Variants in RAP1GAP2 observed in about 807,000 individuals in gnomAD.
RAP1GAP2 encodes RAP1 GTPase activating protein 2.
A neutral mutation model predicts 95.0 loss-of-function variants in RAP1GAP2; 27 were observed. The observed-to-expected ratio is 0.28, with a 90% CI of 0.21 to 0.39. The LOEUF (loss-of-function observed/expected upper bound fraction) is 0.39. RAP1GAP2 is among the 10% of genes least tolerant of loss of function. RAP1GAP2 has a pLI of 1.00. For synonymous variants in RAP1GAP2, 373 were observed against 380.9 expected, an observed-to-expected ratio of 0.98 and a Z score of 0.24; for missense variants, 771 against 970.0, an observed-to-expected ratio of 0.79 and a Z score of 2.72.
chr17:2,863,205 G>A (rs527609638), intron 2 of RAP1GAP2, among the ~76,000 whole-genome samples: 1 of 152,196 alleles, frequency 6.6e-6, no homozygotes, highest in South Asian at 2.1e-4. Flanking sequence ...ATTTCTAGGG[G>A]TGAGTACACT....
At chr17:2,960,585 C>T (rs982995291) in intron 4 of RAP1GAP2, among the ~76,000 whole-genome samples, 2 of 152,290 alleles carry the variant, frequency 1.3e-5, no homozygotes, top group Admixed American at 6.5e-5. Context: ...CTTGGTGAGC[C>T]GGTGACCCGG....
intron 2 of RAP1GAP2, among the ~76,000 whole-genome samples, chr17:2,894,358 A>G (rs1001164760): frequency 9.9e-5 from 15 of 152,216 alleles, no homozygotes; most frequent in Admixed American, 4.6e-4. Flanking sequence ...TGAACCCAGG[A>G]GGCGGAGCTT....
At chr17:2,859,960 A>G (rs1157610560) in intron 2 of RAP1GAP2, among the ~76,000 whole-genome samples, 1 of 143,660 alleles carries the variant, frequency 7.0e-6, no homozygotes, top group Non-Finnish European at 1.5e-5. Flanking sequence ...AGATCGTGCC[A>G]TTAGTAATTG....
chr17:2,924,174 G>C (rs1191505521), intron 3 of RAP1GAP2, among the ~76,000 whole-genome samples: 1 of 152,206 alleles, frequency 6.6e-6, no homozygotes, highest in Non-Finnish European at 1.5e-5. Flanking sequence ...TGAGAGCCAG[G>C]TGATTTTGGA....
rs1567750057 is a variant in RAP1GAP2, at chr17:2,893,022, C to G, written c.81-12262C>G. Among the ~76,000 whole-genome samples, 3 of 151,598 alleles carry G rather than the reference C, an allele frequency of 2.0e-5. 1 individual carries two copies. Among genetic ancestry groups the G allele is most frequent in the Admixed American group, 6.6e-5 (1 of 15,202 alleles). ...GTCTTTTCATCATATTTCTTTTTCT[C>G]TTTTTCTTTTTTCTTTTTTTTTGAG... On this transcript the variant is annotated intron_variant, in intron 2 of 24. Coordinates refer to ENST00000254695, the MANE Select transcript of RAP1GAP2 (RefSeq NM_015085.5).
intron 8 of RAP1GAP2, among the ~76,000 whole-genome samples, chr17:2,975,443 A>G (rs1478212807): frequency 6.6e-6 from 1 of 152,224 alleles, no homozygotes; most frequent in Non-Finnish European, 1.5e-5. Context: ...AGTACCATGA[A>G]CGTTGGTATA....
intron 2 of RAP1GAP2, among the ~76,000 whole-genome samples, chr17:2,865,520 A>C (rs942945283): frequency 1.3e-5 from 2 of 152,182 alleles, no homozygotes; most frequent in African/African-American, 4.8e-5. Flanking sequence ...TCCCGGCTGC[A>C]GCCTGGGTTA....
intron 3 of RAP1GAP2, among the ~76,000 whole-genome samples, chr17:2,937,292 C>A (rs904329546): frequency 6.6e-6 from 1 of 152,202 alleles, no homozygotes; most frequent in African/African-American, 2.4e-5. Context: ...CTCTCTTCTT[C>A]CTTGCTCCTT....
At chr17:2,809,888 T>C (rs936824338) in intron 2 of RAP1GAP2, among the ~76,000 whole-genome samples, 7 of 152,140 alleles carry the variant, frequency 4.6e-5, no homozygotes, top group Non-Finnish European at 1.0e-4. Context: ...GAGACGACGC[T>C]GGTGTCTGGG....
At chr17:2,822,460 G>T (rs2070344140) in intron 2 of RAP1GAP2, among the ~76,000 whole-genome samples, 1 of 151,688 alleles carries the variant, frequency 6.6e-6, no homozygotes, top group Non-Finnish European at 1.5e-5. Flanking sequence ...CGTTGCCAAA[G>T]AAAATTAAAA....
At chr17:2,822,022 A>T (rs114062592) in intron 2 of RAP1GAP2, among the ~76,000 whole-genome samples, 2,992 of 152,190 alleles carry the variant, frequency 0.02, 97 homozygotes, top group African/African-American at 0.067. Flanking sequence ...GGTGCTGAGG[A>T]GGAGGAGGCG....
In RAP1GAP2 at chr17:3,001,320, CCGGAGAAGGGACAGAAGAAGCAGGGAG is replaced by C. The variant is rs2046146082; in HGVS notation, c.1200+2945_1200+2971del. Among the ~76,000 whole-genome samples, 20 of 86,140 alleles carry C rather than the reference CCGGAGAAGGGACAGAAGAAGCAGGGAG, an allele frequency of 2.3e-4. 1 individual carries two copies. The highest frequency in any genetic ancestry group is 1.1e-3 in the African/African-American group (20 of 17,800). 56.5% of individuals were successfully genotyped at this position (86,140 alleles called of 152,430 possible). On this transcript the variant is annotated intron_variant, in intron 14 of 24. Coordinates refer to ENST00000254695, the MANE Select transcript of RAP1GAP2 (RefSeq NM_015085.5). Reference sequence around the variant, plus strand: ...TATCAGCCTCAGGGCCTTCCTGATGCCGGAGAAGGGACAGAAGAAGCAGGGAGTGCAGGTCCAAGCACCAGGCTGAAG... The same window carrying C: ...TATCAGCCTCAGGGCCTTCCTGATGCTGCAGGTCCAAGCACCAGGCTGAAG...
chr17:2,947,397 TA>T (rs1035728663), intron 3 of RAP1GAP2, among the ~76,000 whole-genome samples: 1 of 151,978 alleles, frequency 6.6e-6, no homozygotes, highest in Non-Finnish European at 1.5e-5. Flanking sequence ...AGACAGCTGT[TA>T]ATAGCAGTAA....
In RAP1GAP2 at chr17:3,027,583, C is replaced by T. The variant is rs557392557; in HGVS notation, c.2107+513C>T. ...TGGCAGCTGGGTTCACAGAGCCAGG[C>T]GTCAGAGAGGCCGGAGCGTTGACAG... is the stretch of plus-strand genomic sequence containing the variant. On this transcript the variant is annotated intron_variant, in intron 22 of 24. Transcript: ENST00000254695. The surrounding 1 kb of genome is among the most constrained non-coding windows in gnomAD (Gnocchi z 5.2). Among the ~76,000 whole-genome samples, 335 of 152,104 alleles carry T rather than the reference C, an allele frequency of 2.2e-3. No homozygotes were observed. The highest frequency in any genetic ancestry group is 7.2e-3 in the African/African-American group (298 of 41,482).
At chr17:2,944,463 C>T (rs2043633840) in intron 3 of RAP1GAP2, among the ~76,000 whole-genome samples, 1 of 152,158 alleles carries the variant, frequency 6.6e-6, no homozygotes, top group Admixed American at 6.5e-5. Context: ...GTGGGTTTAT[C>T]TCTGGACTCT....
chr17:2,965,991 G>A lies in RAP1GAP2; in HGVS notation c.596+348G>A, dbSNP rs549632884. The A allele has an allele frequency of 6.1e-5, 16 of 261,862 alleles. No homozygotes were observed. The highest frequency in any genetic ancestry group is 9.8e-5 in the Admixed American group (2 of 20,390). The allele number at this position is 261,862 out of a possible 1,614,324, so 16.2% of individuals were successfully genotyped here. On this transcript the variant is annotated intron_variant, in intron 8 of 24. Transcript: ENST00000254695. This position sits in a 1 kb window ranked among gnomAD's most constrained non-coding sequence, Gnocchi z 4.7. ...ACTCATCCTGCTGAGACACAGCTCC[G>A]AGTCCTGGGAGAGGGTTCGCCAGAG...
At chr17:2,997,220 G>A (rs1391581401) in intron 13 of RAP1GAP2, among the ~76,000 whole-genome samples, 3 of 152,086 alleles carry the variant, frequency 2.0e-5, no homozygotes, top group Non-Finnish European at 4.4e-5. Flanking sequence ...TCCCACCTAC[G>A]CCAAGCTGGG....
At chr17:3,010,979 T>C (rs1029089897) in intron 17 of RAP1GAP2, among the ~76,000 whole-genome samples, 4 of 152,180 alleles carry the variant, frequency 2.6e-5, no homozygotes, top group East Asian at 3.9e-4. Context: ...CAGGCTGGAG[T>C]GCAGTGGTGC....
At chr17:2,951,118 G>A (rs946365015) in intron 3 of RAP1GAP2, among the ~76,000 whole-genome samples, 1 of 152,226 alleles carries the variant, frequency 6.6e-6, no homozygotes, top group African/African-American at 2.4e-5. Flanking sequence ...CTGGGGTTCA[G>A]CATCTCTCAG....
Sources: gnomAD v4.1 joint callset for allele counts (sites outside exome capture counted in the v4.1 genomes callset) on GRCh38, gnomAD v4.1.1 for gene constraint, Gnocchi (gnomAD v3.1) non-coding constraint, MANE v1.5 for transcripts, NCBI Gene and HGNC (gene_info 2026-07-23, HGNC 2026-07-21) for gene names.